The following SLC10A7 variants were observed in gnomAD, a reference collection of about 807,000 sequenced individuals.
The protein encoded by SLC10A7 is sodium/bile acid cotransporter 7.
A neutral mutation model predicts 43.2 loss-of-function variants in SLC10A7; 29 were observed. The observed-to-expected ratio is 0.67, with a 90% CI of 0.50 to 0.92. The LOEUF (loss-of-function observed/expected upper bound fraction) is 0.92. Among genes scored for constraint, SLC10A7 ranks in the 40% least tolerant of loss-of-function variants. The pLI is 0.00. For missense variants in SLC10A7, 295 were observed against 403.2 expected, an observed-to-expected ratio of 0.73 and a Z score of 2.30; for synonymous variants, 152 against 144.8, an observed-to-expected ratio of 1.05 and a Z score of -0.35.
intron 5 of SLC10A7, among the ~76,000 whole-genome samples, chr4:146,348,734 T>C (rs2149738867): frequency 6.6e-6 from 1 of 152,304 alleles, no homozygotes; most frequent in Middle Eastern, 3.4e-3. Context: ...CAACACTTTC[T>C]GGGTAGAATT....
chr4:146,422,456 C>T (rs1729029782), intron 5 of SLC10A7, among the ~76,000 whole-genome samples: 1 of 151,958 alleles, frequency 6.6e-6, no homozygotes, highest in South Asian at 2.1e-4. Context: ...AACTCTTTTT[C>T]AACAGAAGTA....
chr4:146,376,935 AG>A (rs1737243176), intron 5 of SLC10A7, among the ~76,000 whole-genome samples: 1 of 152,078 alleles, frequency 6.6e-6, no homozygotes, highest in Non-Finnish European at 1.5e-5. Context: ...AGGAGAACAA[AG>A]GAAGGAGGAA....
intron 5 of SLC10A7, among the ~76,000 whole-genome samples, chr4:146,422,813 A>G (rs1729054035): frequency 6.6e-6 from 1 of 152,080 alleles, no homozygotes; most frequent in African/African-American, 2.4e-5. Flanking sequence ...ATTTTCCTAA[A>G]TTCTACCTGT....
chr4:146,271,535 C>T (rs1464257464), intron 10 of SLC10A7, among the ~76,000 whole-genome samples: 4 of 152,150 alleles, frequency 2.6e-5, no homozygotes, highest in African/African-American at 4.8e-5. Context: ...CTCACTGCCA[C>T]ACCTTCCCAC....
chr4:146,520,320 T>C (rs1405414244), intron 1 of SLC10A7, among the ~76,000 whole-genome samples: 2 of 152,136 alleles, frequency 1.3e-5, no homozygotes, highest in African/African-American at 2.4e-5. Context: ...TTCCCAAAAG[T>C]TCACAGAGCA....
intron 4 of SLC10A7, among the ~76,000 whole-genome samples, chr4:146,467,170 G>C (rs1733103754): frequency 6.6e-6 from 1 of 152,046 alleles, no homozygotes; most frequent in Non-Finnish European, 1.5e-5. Context: ...GTTTCCTCTT[G>C]GTAACTTTTC....
intron 6 of SLC10A7, among the ~76,000 whole-genome samples, chr4:146,310,435 A>G (rs1731889594): frequency 1.3e-5 from 2 of 152,112 alleles, no homozygotes. Context: ...CATTCCCACT[A>G]ATTGTGCATA....
chr4:146,408,619 AACTG>A (rs1303413388), intron 5 of SLC10A7: 3 of 152,110 alleles, frequency 2.0e-5, no homozygotes, highest in African/African-American at 4.8e-5. Flanking sequence ...CAAGGCCAAC[AACTG>A]ACTACTTCGA....
intron 10 of SLC10A7, among the ~76,000 whole-genome samples, chr4:146,271,228 A>C (rs2111051166): frequency 6.6e-6 from 1 of 152,292 alleles, no homozygotes; most frequent in East Asian, 1.9e-4. Flanking sequence ...AAGACATATC[A>C]AACTTCACAT....
In SLC10A7 at chr4:146,395,005, C is replaced by T. The variant is rs146125702; in HGVS notation, c.435+47778G>A. On this transcript the variant is annotated intron_variant, in intron 5 of 11. Transcript: ENST00000335472. ...CCATAAAGCCTTCCTTGATATTCTC[C>T]GTTTTCTCCTCTGAACTCTCACTCC... is the stretch of plus-strand genomic sequence containing the variant. Among the ~76,000 whole-genome samples, 28 of 152,218 alleles carry T rather than the reference C, an allele frequency of 1.8e-4. 1 individual carries two copies. The highest frequency in any genetic ancestry group is 2.4e-4 in the Non-Finnish European group (16 of 68,004).
intron 5 of SLC10A7, among the ~76,000 whole-genome samples, chr4:146,350,966 G>A (rs888791787): frequency 4.0e-5 from 6 of 149,386 alleles, no homozygotes; most frequent in African/African-American, 1.3e-4. Context: ...ACTCTAAAAC[G>A]CAGAGCGCCT....
At position 146,339,910 on chromosome 4, in the gene SLC10A7, T is replaced by A. The variant is rs137930565; in HGVS notation, c.436-13914A>T. ...GTGTCATGGTGGTCTGCTGCACCTA[T>A]CAACCCATCATCTAGGTTTTAAGCT... On this transcript the variant is annotated intron_variant, in intron 5 of 11. Coordinates refer to ENST00000335472, the MANE Select transcript of SLC10A7 (RefSeq NM_001029998.6). 1.6e-4 allele frequency among the ~76,000 whole-genome samples: 24 copies of A among 150,992 alleles called. No homozygotes were observed. The East Asian group carries it at 4.8e-3, about 30-fold the overall frequency.
At chr4:146,316,803 T>C (rs937859183) in intron 6 of SLC10A7, among the ~76,000 whole-genome samples, 1 of 152,098 alleles carries the variant, frequency 6.6e-6, no homozygotes, top group Non-Finnish European at 1.5e-5. Flanking sequence ...GTGATTAATA[T>C]CTGAAGTAGT....
intron 5 of SLC10A7, among the ~76,000 whole-genome samples, chr4:146,398,604 C>T (rs1429482316): frequency 1.3e-5 from 2 of 152,186 alleles, no homozygotes; most frequent in African/African-American, 4.8e-5. Context: ...TGGACCACAG[C>T]ATGCTGGAAT....
intron 5 of SLC10A7, among the ~76,000 whole-genome samples, chr4:146,431,591 C>T (rs1305720555): frequency 6.6e-6 from 1 of 151,890 alleles, no homozygotes; most frequent in Non-Finnish European, 1.5e-5. Context: ...AACTCTAGAA[C>T]CACACGAAAA....
At chr4:146,457,491 T>C (rs1356844416) in intron 4 of SLC10A7, among the ~76,000 whole-genome samples, 3 of 151,908 alleles carry the variant, frequency 2.0e-5, no homozygotes, top group Non-Finnish European at 4.4e-5. Context: ...TCTTTGTTTT[T>C]GGACCCATTA....
At chr4:146,490,379 G>A (rs1315553872) in intron 4 of SLC10A7, among the ~76,000 whole-genome samples, 2 of 134,452 alleles carry the variant, frequency 1.5e-5, no homozygotes, top group Non-Finnish European at 3.1e-5. Context: ...AGTCTAATGG[G>A]TTATTAGAGG....
chr4:146,410,440 C>T (rs182722731), intron 5 of SLC10A7, among the ~76,000 whole-genome samples: 183 of 152,234 alleles, frequency 1.2e-3, no homozygotes, highest in Admixed American at 2.1e-3. Context: ...GCAAGGAAAG[C>T]TACTGCTCTA....
chr4:146,312,573 C>T (rs1732056044), intron 6 of SLC10A7, among the ~76,000 whole-genome samples: 1 of 152,110 alleles, frequency 6.6e-6, no homozygotes, highest in Non-Finnish European at 1.5e-5. Flanking sequence ...TGGTCAACAT[C>T]TCCCCATTTC....
Sources: allele counts gnomAD v4.1 joint callset (sites outside exome capture counted in the v4.1 genomes callset), GRCh38; gene constraint gnomAD v4.1.1; transcripts MANE v1.5; gene names NCBI Gene and HGNC (gene_info 2026-07-23, HGNC 2026-07-21).